LDB2: variants seen among roughly 807,000 people sequenced by gnomAD.
The protein encoded by LDB2 is LIM domain-binding protein 2.
A neutral mutation model predicts 44.3 loss-of-function variants in LDB2; 12 were observed. The observed-to-expected ratio is 0.27, with a 90% CI of 0.17 to 0.44. The LOEUF (loss-of-function observed/expected upper bound fraction) is 0.44, where lower values mean the gene tolerates loss of function less well. LDB2 is among the 20% of genes least tolerant of loss of function. LDB2 has a pLI of 1.00. For missense variants in LDB2, 344 were observed against 473.5 expected, an observed-to-expected ratio of 0.73 and a Z score of 2.54; for synonymous variants, 164 against 174.8, an observed-to-expected ratio of 0.94 and a Z score of 0.49.
intron 2 of LDB2, among the ~76,000 whole-genome samples, chr4:16,730,948 G>A (rs1210881369): frequency 1.3e-5 from 2 of 152,152 alleles, no homozygotes; most frequent in African/African-American, 4.8e-5. Flanking sequence ...TAGAGTTCAA[G>A]TTACTTCCCC....
At chr4:16,897,942 ATATG>A (rs1355126949) in intron 1 of LDB2, among the ~76,000 whole-genome samples, 8 of 15,404 alleles carry the variant, frequency 5.2e-4, no homozygotes, top group South Asian at 1.5e-3. Context: ...ATATATACAC[ATATG>A]TATATATATA....
intron 2 of LDB2, among the ~76,000 whole-genome samples, chr4:16,731,055 A>C (rs777104673): frequency 2.6e-5 from 4 of 152,218 alleles, no homozygotes; most frequent in Non-Finnish European, 5.9e-5. Context: ...CAGGAAGAAA[A>C]CAAATAAACG....
At position 16,643,813 on chromosome 4, in the gene LDB2, C is replaced by A. The variant is rs1050772319; in HGVS notation, c.236-47938G>T. 2.0e-5 allele frequency among the ~76,000 whole-genome samples: 3 copies of A among 151,844 alleles called. No individual in the cohort carries two copies. The East Asian group carries it at 5.8e-4, about 29-fold the overall frequency. ...AATGCATCTCACAAATAAAGTGTCA[C>A]GAATAAACTTAGCATATTATAATAC... On this transcript the variant is annotated intron_variant, in intron 2 of 7. Coordinates refer to ENST00000304523, the MANE Select transcript of LDB2 (RefSeq NM_001290.5).
At chr4:16,809,737 CAAACA>C (rs1779449373) in intron 1 of LDB2, among the ~76,000 whole-genome samples, 1 of 147,310 alleles carries the variant, frequency 6.8e-6, no homozygotes, top group Admixed American at 6.9e-5. Context: ...ACAAAACAAA[CAAACA>C]AAAAAAAAAC....
At chr4:16,557,390 G>A (rs1740088112) in intron 5 of LDB2, among the ~76,000 whole-genome samples, 1 of 152,170 alleles carries the variant, frequency 6.6e-6, no homozygotes, top group African/African-American at 2.4e-5. Flanking sequence ...GCTTAAAAAG[G>A]CGCACCAGGA....
intron 2 of LDB2, among the ~76,000 whole-genome samples, chr4:16,691,704 G>A (rs1425764185): frequency 6.6e-6 from 1 of 152,118 alleles, no homozygotes; most frequent in Non-Finnish European, 1.5e-5. Flanking sequence ...TTCTTTGGGG[G>A]AATAGAGGCA....
At chr4:16,768,809 A>G (rs998549502) in intron 1 of LDB2, among the ~76,000 whole-genome samples, 3 of 152,174 alleles carry the variant, frequency 2.0e-5, no homozygotes, top group African/African-American at 7.2e-5. Context: ...TGCACATTAT[A>G]AACCCCTTAA....
intron 2 of LDB2, among the ~76,000 whole-genome samples, chr4:16,615,406 G>T (rs564152136): frequency 6.6e-6 from 1 of 152,150 alleles, no homozygotes; most frequent in Non-Finnish European, 1.5e-5. Flanking sequence ...ACATATATAC[G>T]ATGGAATGCT....
chr4:16,578,520 G>T lies in LDB2; in HGVS notation c.615+7402C>A, dbSNP rs183849548. Among the ~76,000 whole-genome samples, 1,452 of 152,292 alleles carry T rather than the reference G, an allele frequency of 9.5e-3. 19 individuals carry two copies. The highest frequency in any genetic ancestry group is 0.033 in the African/African-American group (1,382 of 41,564). ...TATAATGAAATATCATCTCATCCCA[G>T]TCAAAATGGTTTTTAGCCAAAAGAC... On this transcript the variant is annotated intron_variant, in intron 5 of 7. Transcript: ENST00000304523.
intron 1 of LDB2, among the ~76,000 whole-genome samples, chr4:16,832,428 T>C (rs1259077567): frequency 2.0e-5 from 3 of 152,242 alleles, no homozygotes; most frequent in Non-Finnish European, 4.4e-5. Flanking sequence ...GATATTGTTA[T>C]CTGGCAGCAT....
chr4:16,722,467 T>C (rs1279679979), intron 2 of LDB2, among the ~76,000 whole-genome samples: 2 of 152,118 alleles, frequency 1.3e-5, no homozygotes, highest in East Asian at 1.9e-4. Flanking sequence ...TTCTACAATA[T>C]AGCAAAATAT....
At chr4:16,601,586 C>CTT (rs1430899220) in intron 2 of LDB2, among the ~76,000 whole-genome samples, 1 of 152,002 alleles carries the variant, frequency 6.6e-6, no homozygotes, top group Non-Finnish European at 1.5e-5. Flanking sequence ...ATTAGGTAAA[C>CTT]TTAATTATAT....
At chr4:16,732,262 A>G (rs1760910141) in intron 2 of LDB2, among the ~76,000 whole-genome samples, 1 of 152,180 alleles carries the variant, frequency 6.6e-6, no homozygotes, top group Non-Finnish European at 1.5e-5. Flanking sequence ...TGCAAATACA[A>G]TTATTAGTTA....
chr4:16,859,683 T>A (rs566664968), intron 1 of LDB2, among the ~76,000 whole-genome samples: 1 of 152,176 alleles, frequency 6.6e-6, no homozygotes, highest in African/African-American at 2.4e-5. Flanking sequence ...ATCTTTGTTT[T>A]ATTGTAAATA....
Position 16,502,471 on chromosome 4 carries a change from C to G in LDB2, c.*172G>C. 1.1e-6 allele frequency: 1 copy of G among 929,576 alleles called. No homozygotes were observed. Among genetic ancestry groups the G allele is most frequent in the Non-Finnish European group, 1.6e-6 (1 of 622,600 alleles). The allele number at this position is 929,576 out of a possible 1,614,324, so 57.6% of individuals were successfully genotyped here. ...TCATGGAAGCTTACTGGGAATAATC[C>G]TCTCAATTAGAAAAAAAGAAAGAAG... On this transcript the variant is annotated 3_prime_UTR_variant, in exon 8 of 8. Coordinates refer to ENST00000304523, the MANE Select transcript of LDB2 (RefSeq NM_001290.5).
intron 1 of LDB2, among the ~76,000 whole-genome samples, chr4:16,877,123 G>A (rs1482978896): frequency 1.3e-5 from 2 of 152,144 alleles, no homozygotes; most frequent in Admixed American, 6.5e-5. Flanking sequence ...ATATGCAACT[G>A]GCAAGAGAGA....
intron 2 of LDB2, among the ~76,000 whole-genome samples, chr4:16,716,221 G>A (rs947833166): frequency 3.3e-5 from 5 of 152,158 alleles, no homozygotes; most frequent in African/African-American, 9.7e-5. Context: ...ATATGGCTCA[G>A]GCTGTCCTGC....
intron 1 of LDB2, among the ~76,000 whole-genome samples, chr4:16,849,467 G>C (rs1020287703): frequency 2.0e-5 from 3 of 152,176 alleles, no homozygotes; most frequent in Admixed American, 6.5e-5. Flanking sequence ...AATACCGATA[G>C]AATGAATGTC....
chr4:16,833,477 G>A (rs1288005112), intron 1 of LDB2, among the ~76,000 whole-genome samples: 1 of 151,380 alleles, frequency 6.6e-6, no homozygotes, highest in African/African-American at 2.4e-5. Context: ...CTTTTCTTGC[G>A]GTATCTCCTT....
Sources: allele counts gnomAD v4.1 joint callset (sites outside exome capture counted in the v4.1 genomes callset), GRCh38; gene constraint gnomAD v4.1.1; transcripts MANE v1.5; gene names NCBI Gene and HGNC (gene_info 2026-07-23, HGNC 2026-07-21).